The following ARL15 variants were observed in gnomAD, a reference collection of about 807,000 sequenced individuals.
ARL15 encodes ARF like GTPase 15, also known as ADP-ribosylation factor-like protein 15.
Under a neutral mutation model 25.2 loss-of-function variants are expected in ARL15, and 19 were observed. The ratio of observed to expected loss-of-function variants is 0.75; its 90% CI spans 0.53 to 1.10. The LOEUF (loss-of-function observed/expected upper bound fraction) is 1.10, where lower values mean the gene tolerates loss of function less well. Among genes scored for constraint, ARL15 ranks in the 50% least tolerant of loss-of-function variants. The probability of loss-of-function intolerance (pLI) is 0.00; values close to 1 mark genes in which losing one functional copy is unlikely to be tolerated. For missense variants in ARL15, 220 were observed against 246.0 expected (o/e 0.89, Z 0.71); for synonymous variants, 94 against 86.8 (o/e 1.08, Z -0.46).
intron 4 of ARL15, among the ~76,000 whole-genome samples, chr5:53,980,719 A>G (rs1369292825): frequency 6.6e-6 from 1 of 152,238 alleles, no homozygotes; most frequent in Non-Finnish European, 1.5e-5. Context: ...AGATTACAGC[A>G]TTGAATCTTA....
intron 1 of ARL15, among the ~76,000 whole-genome samples, chr5:54,181,549 T>C (rs1480105282): frequency 1.3e-5 from 2 of 152,200 alleles, no homozygotes; most frequent in Non-Finnish European, 2.9e-5. Context: ...AAGTAGGCCA[T>C]AAAAATACAC....
At chr5:54,206,043 T>C (rs920540614) in intron 1 of ARL15, among the ~76,000 whole-genome samples, 4 of 152,272 alleles carry the variant, frequency 2.6e-5, no homozygotes. Flanking sequence ...AGATTAATGA[T>C]ACCAGATTAA....
chr5:54,265,642 TG>T (rs202163355), intron 1 of ARL15, among the ~76,000 whole-genome samples: 7 of 76,146 alleles, frequency 9.2e-5, no homozygotes, highest in Non-Finnish European at 1.9e-4. Flanking sequence ...ATATAAAAAA[TG>T]TTAACTATTG....
chr5:54,099,529 G>T (rs80275880), intron 4 of ARL15, among the ~76,000 whole-genome samples: 159 of 152,160 alleles, frequency 1.0e-3, no homozygotes, highest in East Asian at 7.7e-3. Flanking sequence ...TTTACATTTG[G>T]AATTTATTCT....
At position 53,919,453 on chromosome 5, in the gene ARL15, G is replaced by A. The variant is rs115566181; in HGVS notation, c.463-32740C>T. Among the ~76,000 whole-genome samples, 1,178 of 152,178 alleles carry A rather than the reference G, an allele frequency of 7.7e-3. 20 individuals carry two copies. The highest frequency in any genetic ancestry group is 0.027 in the African/African-American group (1,126 of 41,522). On this transcript the variant is annotated intron_variant, in intron 4 of 4. Transcript: ENST00000504924. ...CACTCCAGTGGAGTGCAGAGCAGTA[G>A]AAATACATTTACCTTTCTTATGAAG...
chr5:53,924,873 T>G (rs1745968708), intron 4 of ARL15, among the ~76,000 whole-genome samples: 1 of 152,150 alleles, frequency 6.6e-6, no homozygotes, highest in Middle Eastern at 3.2e-3. Context: ...AATACCTCAA[T>G]CAATATTTAT....
intron 2 of ARL15, among the ~76,000 whole-genome samples, chr5:54,162,402 C>G (rs1028938644): frequency 6.6e-6 from 1 of 152,152 alleles, no homozygotes; most frequent in South Asian, 2.1e-4. Flanking sequence ...TCTCCATGCT[C>G]CAGCATTTCC....
chr5:53,991,673 ATCT>A (rs1179647095), intron 4 of ARL15, among the ~76,000 whole-genome samples: 1 of 152,030 alleles, frequency 6.6e-6, no homozygotes, highest in East Asian at 1.9e-4. Flanking sequence ...TATTCACAAA[ATCT>A]TCTATAGACA....
chr5:53,997,764 A>G (rs968001981), intron 4 of ARL15, among the ~76,000 whole-genome samples: 1 of 152,156 alleles, frequency 6.6e-6, no homozygotes, highest in Non-Finnish European at 1.5e-5. Context: ...AATTATGCTA[A>G]GTACAATTTT....
rs369442120 is a variant in ARL15 at position 53,979,705 on chromosome 5, C to T, written c.463-92992G>A. ...CACTCCTTCACTATACCAACATGTC[C>T]TCCCATTAAGTGACTGACACATAAA... On this transcript the variant is annotated intron_variant, in intron 4 of 4. Coordinates refer to ENST00000504924, the MANE Select transcript of ARL15 (RefSeq NM_019087.3). Among the ~76,000 whole-genome samples, 50 of 152,234 alleles carry T rather than the reference C, an allele frequency of 3.3e-4. No individual in the cohort carries two copies. The South Asian group carries it at 0.01, about 31-fold the overall frequency.
chr5:54,285,937 C>T (rs1020170903), intron 1 of ARL15, among the ~76,000 whole-genome samples: 2 of 152,116 alleles, frequency 1.3e-5, no homozygotes, highest in African/African-American at 4.8e-5. Context: ...GTAAAGGTCG[C>T]GTCTGTCAAT....
At chr5:54,006,442 C>A (rs1448817061) in intron 4 of ARL15, among the ~76,000 whole-genome samples, 1 of 145,128 alleles carries the variant, frequency 6.9e-6, no homozygotes. Flanking sequence ...TTTTTTTTTA[C>A]AAAACAGTGT....
chr5:54,171,360 C>G (rs973447394), intron 2 of ARL15, among the ~76,000 whole-genome samples: 1 of 152,068 alleles, frequency 6.6e-6, no homozygotes, highest in African/African-American at 2.4e-5. Context: ...TGACTTTCCT[C>G]CAGGTGAAAA....
chr5:54,165,850 A>C (rs1460468555), intron 2 of ARL15, among the ~76,000 whole-genome samples: 1 of 152,112 alleles, frequency 6.6e-6, no homozygotes, highest in Middle Eastern at 3.4e-3. Context: ...CTGGAGACCC[A>C]GGAAAGAATC....
chr5:54,242,748 T>C (rs1756993073), intron 1 of ARL15, among the ~76,000 whole-genome samples: 1 of 152,200 alleles, frequency 6.6e-6, no homozygotes, highest in Non-Finnish European at 1.5e-5. Flanking sequence ...ATGTCGCTCG[T>C]GCCTCTGAAT....
At chr5:54,188,388 T>C (rs25853) in intron 1 of ARL15, among the ~76,000 whole-genome samples, 29,737 of 152,140 alleles carry the variant, frequency 0.2, 3,738 homozygotes, top group East Asian at 0.7. Context: ...TGATATTCTA[T>C]ACAAGGAATT....
chr5:53,980,410 T>C (rs1240280128), intron 4 of ARL15, among the ~76,000 whole-genome samples: 1 of 152,208 alleles, frequency 6.6e-6, no homozygotes, highest in Non-Finnish European at 1.5e-5. Context: ...GTGGCAAACA[T>C]AAAATTTACA....
intron 1 of ARL15, chr5:54,308,096 G>A (rs1026153781): frequency 6.6e-6 from 1 of 152,180 alleles, no homozygotes; most frequent in Non-Finnish European, 1.5e-5. Flanking sequence ...CGAAAGACAG[G>A]AAGAGAAAAA....
intron 4 of ARL15, among the ~76,000 whole-genome samples, chr5:54,047,229 A>T (rs1750549768): frequency 6.6e-6 from 1 of 152,202 alleles, no homozygotes; most frequent in Admixed American, 6.5e-5. Flanking sequence ...GGACTGCATT[A>T]AACAAAACAA....
Sources: gnomAD v4.1 joint callset for allele counts (sites outside exome capture counted in the v4.1 genomes callset) on GRCh38, gnomAD v4.1.1 for gene constraint, MANE v1.5 for transcripts, NCBI Gene and HGNC (gene_info 2026-07-23, HGNC 2026-07-21) for gene names.